Variants in ZNF385D observed in about 807,000 individuals in gnomAD.
The protein encoded by ZNF385D is zinc finger protein 385D, also known as zinc finger protein 659.
In ZNF385D, 15 loss-of-function variants were observed where a neutral mutation model predicts 35.8. The observed-to-expected ratio is 0.42, with a 90% CI of 0.28 to 0.64. ZNF385D has a LOEUF of 0.64. Ranked by LOEUF, ZNF385D falls within the 30% of genes least tolerant of loss-of-function variation. ZNF385D has a pLI of 0.23. For missense variants in ZNF385D, 474 were observed against 494.6 expected (o/e 0.96, Z 0.39); for synonymous variants, 212 against 186.8 (o/e 1.13, Z -1.10).
At chr3:22,050,277 G>A (rs1217512552) in intron 3 of ZNF385D, among the ~76,000 whole-genome samples, 2 of 151,848 alleles carry the variant, frequency 1.3e-5, no homozygotes, top group Non-Finnish European at 2.9e-5. Context: ...TGGGAAGACT[G>A]CTTGAGCCCC....
At chr3:21,793,475 G>C (rs2072013670) in intron 3 of ZNF385D, among the ~76,000 whole-genome samples, 1 of 152,344 alleles carries the variant, frequency 6.6e-6, no homozygotes, top group Non-Finnish European at 1.5e-5. Context: ...ACTAGACCTA[G>C]TGAATTAGAA....
chr3:22,193,370 A>G (rs1461742359), intron 2 of ZNF385D, among the ~76,000 whole-genome samples: 1 of 151,408 alleles, frequency 6.6e-6, no homozygotes, highest in African/African-American at 2.4e-5. Context: ...AATCATACCA[A>G]TTTTGAAATA....
intron 4 of ZNF385D, among the ~76,000 whole-genome samples, chr3:21,508,452 C>A (rs940034357): frequency 4.6e-5 from 7 of 152,118 alleles, no homozygotes; most frequent in Non-Finnish European, 5.9e-5. Flanking sequence ...GGTTAATTCT[C>A]TTCCTCATTT....
At chr3:21,746,981 T>C (rs991196994) in intron 1 of ZNF385D, among the ~76,000 whole-genome samples, 8 of 151,434 alleles carry the variant, frequency 5.3e-5, no homozygotes, top group Non-Finnish European at 8.8e-5. Context: ...AATGTACAAA[T>C]GCGTCTATTA....
chr3:21,656,902 A>C (rs2054942), intron 2 of ZNF385D, among the ~76,000 whole-genome samples: 68,930 of 151,618 alleles, frequency 0.45, 16,919 homozygotes, highest in Non-Finnish European at 0.55. Context: ...TCACAAAATG[A>C]GGTGTAAGCT....
intron 4 of ZNF385D, among the ~76,000 whole-genome samples, chr3:21,445,713 AT>A (rs974790768): frequency 1.3e-5 from 2 of 152,192 alleles, no homozygotes; most frequent in African/African-American, 4.8e-5. Context: ...TTGGTAATTG[AT>A]AAACACGGAT....
At position 21,443,062 on chromosome 3, in the gene ZNF385D, C is replaced by T. The variant is rs574980844; in HGVS notation, c.440-5859G>A. 31 of 908,584 alleles carry T rather than the reference C, an allele frequency of 3.4e-5. No individual in the cohort carries two copies. The East Asian group carries it at 1.7e-3, about 49-fold the overall frequency. 56.3% of individuals were successfully genotyped at this position (908,584 alleles called of 1,614,324 possible). A position where few individuals can be genotyped will look rare whatever the true frequency, so the allele number is the denominator to read the frequency against. ...CCCCCTGCTCTGAATTCCTCACTCCCGTCTGCTAGAGTGGTATAGCTGTAG... is the reference window on the plus strand; with the variant it reads ...CCCCCTGCTCTGAATTCCTCACTCCTGTCTGCTAGAGTGGTATAGCTGTAG... On this transcript the variant is annotated intron_variant, in intron 4 of 7. Coordinates refer to ENST00000281523, the MANE Select transcript of ZNF385D (RefSeq NM_024697.3).
chr3:22,158,781 G>T lies in ZNF385D; in HGVS notation c.325+10036C>A, dbSNP rs562485699. On this transcript the variant is annotated intron_variant, in intron 3 of 5. Transcript: ENST00000494108. ...GTGCCAGGCCTGGTGTAGATCTATA[G>T]AAACTAGAAGCCAGTTTCAAAAGGG... 2.8e-4 allele frequency among the ~76,000 whole-genome samples: 34 copies of T among 119,674 alleles called. 1 individual carries two copies. Among genetic ancestry groups the T allele is most frequent in the African/African-American group, 1.1e-3 (34 of 32,068 alleles). 78.5% of individuals were successfully genotyped at this position (119,674 alleles called of 152,430 possible). A position where few individuals can be genotyped will look rare whatever the true frequency, so the allele number is the denominator to read the frequency against.
At chr3:21,947,712 A>G (rs982443040) in intron 3 of ZNF385D, among the ~76,000 whole-genome samples, 2 of 152,130 alleles carry the variant, frequency 1.3e-5, no homozygotes, top group South Asian at 4.1e-4. Context: ...CTCTATATGT[A>G]TTAATCCATC....
At chr3:22,370,747 C>T (rs1236248842) in intron 2 of ZNF385D, among the ~76,000 whole-genome samples, 1 of 152,138 alleles carries the variant, frequency 6.6e-6, no homozygotes, top group Non-Finnish European at 1.5e-5. Context: ...GTAACAACGC[C>T]ACCTTCTTGG....
At chr3:21,933,097 T>C (rs1321754283) in intron 3 of ZNF385D, among the ~76,000 whole-genome samples, 2 of 152,218 alleles carry the variant, frequency 1.3e-5, no homozygotes, top group East Asian at 1.9e-4. Context: ...GCCATTTCCC[T>C]GTGTGGTGAT....
At chr3:21,684,104 C>T (rs2067004517) in intron 1 of ZNF385D, among the ~76,000 whole-genome samples, 1 of 149,634 alleles carries the variant, frequency 6.7e-6, no homozygotes, top group South Asian at 2.1e-4. Context: ...CCACTTTAGA[C>T]CTAAAGCTCC....
intron 3 of ZNF385D, among the ~76,000 whole-genome samples, chr3:21,951,165 T>C (rs1453778792): frequency 1.3e-5 from 2 of 151,852 alleles, no homozygotes; most frequent in Non-Finnish European, 2.9e-5. Context: ...ATACTGATTC[T>C]TCCTGTCCAT....
intron 3 of ZNF385D, among the ~76,000 whole-genome samples, chr3:22,026,507 G>C (rs1697561010): frequency 6.6e-6 from 1 of 152,206 alleles, no homozygotes; most frequent in Non-Finnish European, 1.5e-5. Context: ...TCCAGTTAAA[G>C]TAGGGACTTA....
chr3:22,143,584 C>G (rs1392772066), intron 3 of ZNF385D, among the ~76,000 whole-genome samples: 1 of 151,978 alleles, frequency 6.6e-6, no homozygotes, highest in East Asian at 1.9e-4. Flanking sequence ...TGAGATAACA[C>G]GATATATATT....
At chr3:21,840,321 G>C (rs541599370) in intron 3 of ZNF385D, among the ~76,000 whole-genome samples, 28 of 152,118 alleles carry the variant, frequency 1.8e-4, no homozygotes, top group African/African-American at 6.7e-4. Context: ...AATTAAAACA[G>C]AATAGAGAAG....
At chr3:21,809,512 G>A (rs1167810485) in intron 3 of ZNF385D, among the ~76,000 whole-genome samples, 2 of 151,396 alleles carry the variant, frequency 1.3e-5, no homozygotes, top group Non-Finnish European at 2.9e-5. Context: ...TTTGAAATAA[G>A]GTATTGAAAC....
intron 2 of ZNF385D, among the ~76,000 whole-genome samples, chr3:22,332,277 G>T (rs772187131): frequency 3.9e-5 from 6 of 152,102 alleles, no homozygotes; most frequent in Non-Finnish European, 7.4e-5. Flanking sequence ...ACGGTAGCAG[G>T]TTTATTTGTA....
At chr3:22,043,850 C>G (rs1185494321) in intron 3 of ZNF385D, among the ~76,000 whole-genome samples, 1 of 152,090 alleles carries the variant, frequency 6.6e-6, no homozygotes, top group African/African-American at 2.4e-5. Context: ...TACTTGCATG[C>G]TTGCTTTGAT....
Sources: allele counts gnomAD v4.1 joint callset (sites outside exome capture counted in the v4.1 genomes callset), GRCh38; gene constraint gnomAD v4.1.1; transcripts MANE v1.5; gene names NCBI Gene and HGNC (gene_info 2026-07-23, HGNC 2026-07-21).